C12orf42: variants seen among roughly 807,000 people sequenced by gnomAD.
The protein encoded by C12orf42 is chromosome 12 open reading frame 42.
In C12orf42, 25 loss-of-function variants were observed where a neutral mutation model predicts 21.6. The observed-to-expected ratio is 1.16, with a 90% CI of 0.84 to 1.62. The LOEUF (loss-of-function observed/expected upper bound fraction) is 1.62, where lower values mean the gene tolerates loss of function less well. Among genes scored for constraint, C12orf42 ranks in the 40% most tolerant of loss-of-function variants. The pLI, the probability that C12orf42 is intolerant of heterozygous loss-of-function variation, is 0.00. For missense variants in C12orf42, 483 were observed against 459.3 expected (o/e 1.05, Z -0.47); for synonymous variants, 174 against 175.0 (o/e 0.99, Z 0.05).
chr12:103,263,276 T>G (rs1377522381), intron 10 of C12orf42: 1 of 152,034 alleles, frequency 6.6e-6, no homozygotes, highest in Admixed American at 6.6e-5. Context: ...GTTGTGCCCA[T>G]GTACCCTAGA....
the C12orf42 span, among the ~76,000 whole-genome samples, chr12:103,104,333 G>A: frequency 7.9e-5 from 12 of 152,198 alleles, no homozygotes; most frequent in South Asian, 4.1e-4. Context: ...AGCATAAACA[G>A]CCAGAGTGAA....
the C12orf42 span, chr12:103,168,016 A>G: frequency 2.2e-6 from 1 of 453,448 alleles, no homozygotes; most frequent in Admixed American, 2.4e-5. Flanking sequence ...GTCTGTTAAT[A>G]TGTACATGCA....
the C12orf42 span, among the ~76,000 whole-genome samples, chr12:103,135,464 AAAAAAG>A: frequency 6.6e-6 from 1 of 151,948 alleles, no homozygotes; most frequent in Non-Finnish European, 1.5e-5. Context: ...CTCAAAAAGA[AAAAAAG>A]AAAAAGAAAA....
chr12:103,135,717 G>A, the C12orf42 span, among the ~76,000 whole-genome samples: 1 of 152,100 alleles, frequency 6.6e-6, no homozygotes, highest in Non-Finnish European at 1.5e-5. Context: ...CCATGACCAA[G>A]GGGGATTTAT....
At chr12:103,546,010 T>G in the C12orf42 span, among the ~76,000 whole-genome samples, 1 of 152,188 alleles carries the variant, frequency 6.6e-6, no homozygotes, top group Non-Finnish European at 1.5e-5. Flanking sequence ...TTTCAGATAT[T>G]AAGTGGGTGG....
intron 4 of C12orf42, among the ~76,000 whole-genome samples, chr12:103,366,416 T>C (rs1358453107): frequency 6.6e-6 from 1 of 152,054 alleles, no homozygotes; most frequent in African/African-American, 2.4e-5. Context: ...AAGGATTTCA[T>C]GACCAAGAAC....
intron 1 of C12orf42, among the ~76,000 whole-genome samples, chr12:103,484,811 A>C (rs1954711243): frequency 6.6e-6 from 1 of 150,524 alleles, no homozygotes; most frequent in Non-Finnish European, 1.5e-5. Context: ...TAAGTCTTTA[A>C]TCTATCTTGA....
At chr12:103,148,702 T>C in the C12orf42 span, among the ~76,000 whole-genome samples, 1 of 152,186 alleles carries the variant, frequency 6.6e-6, no homozygotes, top group Non-Finnish European at 1.5e-5. Flanking sequence ...TTTCTTTAAT[T>C]GTCTCTATAA....
chr12:103,491,906 C>T (rs776034774), intron 1 of C12orf42, among the ~76,000 whole-genome samples: 22 of 152,022 alleles, frequency 1.4e-4, no homozygotes, highest in Non-Finnish European at 3.1e-4. Flanking sequence ...TCCTGACTTC[C>T]CAAACATAAC....
At chr12:103,472,827 C>T (rs948831642) in intron 2 of C12orf42, among the ~76,000 whole-genome samples, 3 of 152,072 alleles carry the variant, frequency 2.0e-5, no homozygotes, top group African/African-American at 7.2e-5. Context: ...AGGGAGAGGC[C>T]CTGTACCCAT....
At chr12:103,344,427 C>A (rs2042435253) in intron 4 of C12orf42, among the ~76,000 whole-genome samples, 1 of 152,082 alleles carries the variant, frequency 6.6e-6, no homozygotes, top group Non-Finnish European at 1.5e-5. Context: ...ATGACAAGAC[C>A]CACACAGCCC....
At chr12:103,499,729 C>T (rs1955673051), upstream of C12orf42, among the ~76,000 whole-genome samples, 1 of 152,222 alleles carries the variant, frequency 6.6e-6, no homozygotes, top group East Asian at 1.9e-4. Context: ...CCCCTGCCCA[C>T]AGTCTCACCA....
chr12:103,420,101 G>A (rs767149067), intron 2 of C12orf42, among the ~76,000 whole-genome samples: 1 of 152,110 alleles, frequency 6.6e-6, no homozygotes, highest in Non-Finnish European at 1.5e-5. Context: ...GGGAAAAGTT[G>A]TATTGTCCTT....
intron 4 of C12orf42, among the ~76,000 whole-genome samples, chr12:103,357,661 A>G (rs1032835257): frequency 6.6e-6 from 1 of 152,090 alleles, no homozygotes; most frequent in Non-Finnish European, 1.5e-5. Flanking sequence ...AATAACATGG[A>G]GTCAGTCTTC....
At chr12:103,561,598 C>A in the C12orf42 span, among the ~76,000 whole-genome samples, 1 of 152,164 alleles carries the variant, frequency 6.6e-6, no homozygotes, top group Non-Finnish European at 1.5e-5. Flanking sequence ...TAATACCATC[C>A]CATCAAGGGT....
chr12:103,100,292 C>T, the C12orf42 span, among the ~76,000 whole-genome samples: 1 of 152,166 alleles, frequency 6.6e-6, no homozygotes, highest in African/African-American at 2.4e-5. Context: ...TGCTCAGGCT[C>T]CTTTGTGGGG....
intron 2 of C12orf42, among the ~76,000 whole-genome samples, chr12:103,421,019 C>A (rs2049850011): frequency 6.6e-6 from 1 of 152,142 alleles, no homozygotes; most frequent in Non-Finnish European, 1.5e-5. Context: ...TATTGTACAA[C>A]TTACTCACAA....
chr12:103,362,243 T>C (rs898685406), intron 4 of C12orf42, among the ~76,000 whole-genome samples: 15 of 152,006 alleles, frequency 9.9e-5, no homozygotes, highest in Admixed American at 9.2e-4. Context: ...GGTGGCTAGA[T>C]CCAGAAGAGA....
At chr12:103,375,513 G>C (rs2045616506) in intron 3 of C12orf42, among the ~76,000 whole-genome samples, 1 of 152,072 alleles carries the variant, frequency 6.6e-6, no homozygotes, top group Non-Finnish European at 1.5e-5. Context: ...CCTAGTAAAG[G>C]AATGTGCAGA....
Sources: gnomAD v4.1 joint callset for allele counts (sites outside exome capture counted in the v4.1 genomes callset) on GRCh38, gnomAD v4.1.1 for gene constraint, MANE v1.5 for transcripts, NCBI Gene and HGNC (gene_info 2026-07-23, HGNC 2026-07-21) for gene names.